Variants in IER3IP1 observed in about 807,000 individuals in gnomAD.
IER3IP1 encodes immediate early response 3 interacting protein 1.
IER3IP1 carries 16 observed loss-of-function variants against 12.2 expected under a neutral mutation model. The observed-to-expected ratio is 1.31, with a 90% confidence interval of 0.89 to 1.99. The LOEUF (loss-of-function observed/expected upper bound fraction) is 1.99, where lower values mean the gene tolerates loss of function less well. IER3IP1 is among the 30% of genes most tolerant of loss of function. IER3IP1 has a pLI of 0.00. For missense variants in IER3IP1, 95 were observed against 95.8 expected, an observed-to-expected ratio of 0.99 and a Z score of 0.03; for synonymous variants, 42 against 40.0, an observed-to-expected ratio of 1.05 and a Z score of -0.19.
intron 1 of IER3IP1, among the ~76,000 whole-genome samples, chr18:47,170,517 G>C (rs549203924): frequency 1.3e-5 from 2 of 152,094 alleles, no homozygotes; most frequent in East Asian, 1.9e-4. Flanking sequence ...TAAGTATTCT[G>C]ATCTGTGAAT....
In IER3IP1 at chr18:47,164,778, C is replaced by CAA. The variant is rs532684692; in HGVS notation, c.92-7243_92-7242dup. 1.7e-4 allele frequency among the ~76,000 whole-genome samples: 22 copies of CAA among 132,536 alleles called. No individual in the cohort carries two copies. The South Asian group carries it at 2.2e-3, about 13-fold the overall frequency. 86.9% of individuals were successfully genotyped at this position (132,536 alleles called of 152,430 possible). ...GCCTGGGTGCCAGAGACCCTCTTTC[C>CAA]AAAAAAAAAAAACAAGAGAGAGAGA... On this transcript the variant is annotated intron_variant, in intron 1 of 2. Coordinates refer to ENST00000256433, the MANE Select transcript of IER3IP1 (RefSeq NM_016097.5).
chr18:47,175,341 A>G (rs1163493375), intron 1 of IER3IP1, among the ~76,000 whole-genome samples: 1 of 152,222 alleles, frequency 6.6e-6, no homozygotes, highest in South Asian at 2.1e-4. Context: ...GATAACTCCA[A>G]CACGTTCCCT....
At chr18:47,165,181 A>G (rs556048045) in intron 1 of IER3IP1, among the ~76,000 whole-genome samples, 1 of 152,300 alleles carries the variant, frequency 6.6e-6, no homozygotes, top group East Asian at 1.9e-4. Flanking sequence ...ATCAAATGCT[A>G]TCATAAACAT....
rs565371393 is a variant in IER3IP1, at chr18:47,156,005, G to A, written c.*172C>T. ...CTGATCTTTTGTAATGAAACTACAA[G>A]TGCAACATTAAAAAAAAAAACAGAT... On this transcript the variant is annotated 3_prime_UTR_variant, in exon 3 of 3. Transcript: ENST00000256433. 3.4e-6 allele frequency: 2 copies of A among 587,912 alleles called. No individual in the cohort carries two copies. The highest frequency in any genetic ancestry group is 2.1e-5 in the South Asian group (1 of 47,406). The allele number at this position is 587,912 out of a possible 1,614,324, so 36.4% of individuals were successfully genotyped here. A position where few individuals can be genotyped will look rare whatever the true frequency, so the allele number is the denominator to read the frequency against.
At chr18:47,157,604 T>A in intron 1 of IER3IP1, 67 bp from the exon 2 acceptor site, 1 of 1,393,138 alleles carries the variant, frequency 7.2e-7, no homozygotes. Flanking sequence ...TGTCATCTTC[T>A]AAAAGATTAG....
intron 2 of IER3IP1, chr18:47,157,224 G>C (rs1472602748): frequency 5.1e-6 from 3 of 591,066 alleles, no homozygotes; most frequent in Non-Finnish European, 3.0e-6. Context: ...ATTATACTAA[G>C]CATTCTATTT....
rs764915481 is a variant in IER3IP1, at chr18:47,176,228, T to C, written c.50A>G (p.Asn17Ser). The stretch of plus-strand genomic sequence containing the variant: ...CTCCTCGTGCAGCACTGCGATGGCG[T>C]TGACGCAGAGCAGGGCTGCCTGCAG... The part of the protein sequence containing the change: ...SLLQAALLCV[N>S]AIAVLHEERF... Residue 17 changes from asparagine (N) to serine (S), a missense_variant, in exon 1 of 3, where the codon AAC becomes AGC. Physicochemically the swap from Asn to Ser is conservative, Grantham distance 46. Coordinates refer to ENST00000256433, the MANE Select transcript of IER3IP1 (RefSeq NM_016097.5). 14 of 1,608,786 alleles carry C rather than the reference T, an allele frequency of 8.7e-6. No individual in the cohort carries two copies. Among genetic ancestry groups the C allele is most frequent in the East Asian group, 2.2e-5 (1 of 44,762 alleles).
chr18:47,168,301 CAAAA>C (rs35347851), intron 1 of IER3IP1, among the ~76,000 whole-genome samples: 52,519 of 107,006 alleles, frequency 0.49, 9,885 homozygotes, highest in Middle Eastern at 0.61. Context: ...GACTCCATCA[CAAAA>C]AAAAAAAAAA....
chr18:47,174,514 C>T (rs1310485276), intron 1 of IER3IP1, among the ~76,000 whole-genome samples: 2 of 151,996 alleles, frequency 1.3e-5, no homozygotes, highest in African/African-American at 4.8e-5. Flanking sequence ...ACTACAAATA[C>T]AAAAATTAGC....
At chr18:47,159,853 A>C (rs913048872) in intron 1 of IER3IP1, among the ~76,000 whole-genome samples, 3 of 151,946 alleles carry the variant, frequency 2.0e-5, no homozygotes, top group Admixed American at 6.6e-5. Context: ...CTCTTTTTGA[A>C]ATTCTTCTAT....
rs557625958 is a variant in IER3IP1, at chr18:47,176,330, G to C, written c.-53C>G. On this transcript the variant is annotated 5_prime_UTR_variant, in exon 1 of 3. Transcript: ENST00000256433. Reference sequence around the variant, plus strand: ...AGCGATTTCTCTCCCGCCGCCGCAAGGGACGTGGCGCCTCCACGGCCGGCG... The same window carrying C: ...AGCGATTTCTCTCCCGCCGCCGCAACGGACGTGGCGCCTCCACGGCCGGCG... 137 of 1,492,618 alleles carry C rather than the reference G, an allele frequency of 9.2e-5. No homozygotes were observed. The highest frequency in any genetic ancestry group is 1.2e-4 in the Non-Finnish European group (134 of 1,092,410). The allele number at this position is 1,492,618 out of a possible 1,614,324, so 92.5% of individuals were successfully genotyped here.
At chr18:47,175,145 T>G (rs977235817) in intron 1 of IER3IP1, among the ~76,000 whole-genome samples, 1 of 152,254 alleles carries the variant, frequency 6.6e-6, no homozygotes, top group Non-Finnish European at 1.5e-5. Context: ...GAATCAATCT[T>G]GCTCCTGGGT....
intron 1 of IER3IP1, among the ~76,000 whole-genome samples, chr18:47,161,358 C>T (rs935093038): frequency 6.6e-6 from 1 of 152,180 alleles, no homozygotes; most frequent in Non-Finnish European, 1.5e-5. Context: ...GCTTATAGCG[C>T]TTCCAGTCCA....
At chr18:47,166,282 C>T (rs2063995729) in intron 1 of IER3IP1, among the ~76,000 whole-genome samples, 1 of 152,064 alleles carries the variant, frequency 6.6e-6, no homozygotes, top group Admixed American at 6.5e-5. Flanking sequence ...AGAAAACATT[C>T]GTTGATTGAC....
At position 47,176,202 on chromosome 18, in the gene IER3IP1, G is replaced by C. The variant is rs765871767; in HGVS notation, c.76C>G (p.Arg26Gly). ...TCCCACTCACTGTTCTTGAGGAATC[G>C]CTCCTCGTGCAGCACTGCGATGGCG... ...VNAIAVLHEERFLKNIGWGTD... is the reference protein window; with the variant it reads ...VNAIAVLHEEGFLKNIGWGTD... The change falls in exon 1 of 3, where the codon CGA becomes GGA. Residue 26 changes from arginine to glycine, a missense_variant. Arg to Gly is a moderately radical substitution (Grantham distance 125). Transcript: ENST00000256433. The C allele has an allele frequency of 6.2e-7, 1 of 1,600,462 alleles. No individual in the cohort carries two copies. Among genetic ancestry groups the C allele is most frequent in the South Asian group, 1.1e-5 (1 of 88,804 alleles).
intron 1 of IER3IP1, among the ~76,000 whole-genome samples, chr18:47,175,770 C>G (rs557587552): frequency 1.3e-5 from 2 of 151,900 alleles, no homozygotes; most frequent in South Asian, 2.1e-4. Flanking sequence ...CCCACACCCC[C>G]AACTCTTAGC....
chr18:47,156,291 AAAT>A (rs1315467923), intron 2 of IER3IP1, 59 bp from the exon 3 acceptor site: 2 of 917,026 alleles, frequency 2.2e-6, no homozygotes, highest in Admixed American at 3.9e-5. Context: ...AAAAACCAGA[AAAT>A]AATAATTAGC....
At position 47,153,032 on chromosome 18, in the gene IER3IP1, A is replaced by G. The variant is rs1327450839; in HGVS notation, c.*3145T>C. 1 of 152,226 alleles carries G rather than the reference A, an allele frequency of 6.6e-6. No homozygotes were observed. The allele number at this position is 152,226 out of a possible 1,614,324, so 9.4% of individuals were successfully genotyped here. A position where few individuals can be genotyped will look rare whatever the true frequency, so the allele number is the denominator to read the frequency against. Reference sequence around the variant, plus strand: ...AGGAAGTTTATTTGCTTTCAGTCACATGGTAAAAGGTTTGCTTGATATATT... The same window carrying G: ...AGGAAGTTTATTTGCTTTCAGTCACGTGGTAAAAGGTTTGCTTGATATATT... On this transcript the variant is annotated 3_prime_UTR_variant, in exon 3 of 3. Coordinates refer to ENST00000256433, the MANE Select transcript of IER3IP1 (RefSeq NM_016097.5).
chr18:47,154,425 G>A lies in IER3IP1; in HGVS notation c.*1752C>T, dbSNP rs1426383470. 1 of 152,184 alleles carries A rather than the reference G, an allele frequency of 6.6e-6. No individual in the cohort carries two copies. The highest frequency in any genetic ancestry group is 1.5e-5 in the Non-Finnish European group (1 of 68,040). The allele number at this position is 152,184 out of a possible 1,614,324, so 9.4% of individuals were successfully genotyped here. On this transcript the variant is annotated 3_prime_UTR_variant, in exon 3 of 3. Coordinates refer to ENST00000256433, the MANE Select transcript of IER3IP1 (RefSeq NM_016097.5). ...GGCCCTTCTGTGACTGCTCCCTGAT[G>A]GAATATTTGGACAAAATCCCAACAC... is the stretch of plus-strand genomic sequence containing the variant.
Sources: gnomAD v4.1 joint callset for allele counts (sites outside exome capture counted in the v4.1 genomes callset) on GRCh38, gnomAD v4.1.1 for gene constraint, MANE v1.5 for transcripts, NCBI Gene and HGNC (gene_info 2026-07-23, HGNC 2026-07-21) for gene names.